Variants in ZNF385D observed in about 807,000 individuals in gnomAD.
ZNF385D encodes zinc finger protein 385D.
ZNF385D carries 15 observed loss-of-function variants against 35.8 expected under a neutral mutation model. That is an observed-to-expected ratio of 0.42 (90% CI 0.28 to 0.64). ZNF385D has a LOEUF of 0.64. ZNF385D is among the 30% of genes least tolerant of loss of function. The pLI is 0.23. For missense variants in ZNF385D, 474 were observed against 494.6 expected, an observed-to-expected ratio of 0.96 and a Z score of 0.39; for synonymous variants, 212 against 186.8, an observed-to-expected ratio of 1.13 and a Z score of -1.10.
intron 3 of ZNF385D, among the ~76,000 whole-genome samples, chr3:21,537,421 A>G (rs936662651): frequency 6.6e-6 from 1 of 151,936 alleles, no homozygotes; most frequent in African/African-American, 2.4e-5. Flanking sequence ...CTGGGATTAC[A>G]GGTGTGAGCC....
At chr3:21,489,714 A>G (rs748048530) in intron 4 of ZNF385D, among the ~76,000 whole-genome samples, 4 of 152,094 alleles carry the variant, frequency 2.6e-5, no homozygotes, top group Non-Finnish European at 4.4e-5. Context: ...TATCTGCCTC[A>G]TATCTGCCCC....
chr3:21,527,831 T>A (rs1240205344), intron 3 of ZNF385D, among the ~76,000 whole-genome samples: 2 of 152,302 alleles, frequency 1.3e-5, no homozygotes, highest in Non-Finnish European at 2.9e-5. Context: ...TGTGTTAACA[T>A]AACTAATACA....
At chr3:21,709,749 G>A (rs535175017) in intron 1 of ZNF385D, among the ~76,000 whole-genome samples, 1 of 152,106 alleles carries the variant, frequency 6.6e-6, no homozygotes, top group African/African-American at 2.4e-5. Flanking sequence ...TTCCAGTTTT[G>A]TATAAAGTTA....
intron 3 of ZNF385D, among the ~76,000 whole-genome samples, chr3:22,072,335 C>T (rs1055870065): frequency 1.5e-4 from 15 of 97,926 alleles, no homozygotes; most frequent in African/African-American, 3.4e-4. Flanking sequence ...TATTTGTGAA[C>T]GGAAAAATAA....
intron 2 of ZNF385D, among the ~76,000 whole-genome samples, chr3:22,251,220 G>A (rs972131531): frequency 5.9e-5 from 9 of 152,182 alleles, no homozygotes; most frequent in African/African-American, 1.4e-4. Flanking sequence ...AGAAGAATCC[G>A]TTTACATGAG....
chr3:22,289,230 CTT>C (rs1315718148), intron 2 of ZNF385D, among the ~76,000 whole-genome samples: 2 of 152,114 alleles, frequency 1.3e-5, no homozygotes, highest in Non-Finnish European at 2.9e-5. Context: ...GTGTCCACCT[CTT>C]TGTTTTCTGT....
At chr3:22,165,922 A>T (rs1022397260) in intron 3 of ZNF385D, among the ~76,000 whole-genome samples, 2 of 152,208 alleles carry the variant, frequency 1.3e-5, no homozygotes, top group African/African-American at 4.8e-5. Flanking sequence ...TTACATTCAT[A>T]CACCAGATCA....
intron 3 of ZNF385D, among the ~76,000 whole-genome samples, chr3:22,145,451 A>G (rs549853259): frequency 5.9e-5 from 9 of 152,326 alleles, no homozygotes; most frequent in Admixed American, 1.3e-4. Context: ...TGAACTACCA[A>G]TGCTCTTTAC....
Position 21,986,148 on chromosome 3 carries a change from T to C in ZNF385D, c.325+182669A>G, listed in dbSNP as rs1045180563. ...TGGATTCATTGATTTTTTGAAGGGT[T>C]TTTTGTGTCTCTATTTCCTTCAGTT... On this transcript the variant is annotated intron_variant, in intron 3 of 5. Coordinates refer to the ZNF385D transcript ENST00000494108. Among the ~76,000 whole-genome samples, 2 of 75,732 alleles carry C rather than the reference T, an allele frequency of 2.6e-5. 1 individual carries two copies. The highest frequency in any genetic ancestry group is 2.4e-4 in the Admixed American group (2 of 8,380). 49.7% of individuals were successfully genotyped at this position (75,732 alleles called of 152,430 possible).
At chr3:21,469,316 A>G (rs1703737276) in intron 4 of ZNF385D, among the ~76,000 whole-genome samples, 1 of 152,326 alleles carries the variant, frequency 6.6e-6, no homozygotes, top group South Asian at 2.1e-4. Context: ...TGATTTCACC[A>G]AGGTAAATGT....
chr3:21,806,736 T>C (rs116102117), intron 3 of ZNF385D, among the ~76,000 whole-genome samples: 2,134 of 152,324 alleles, frequency 0.014, 56 homozygotes, highest in African/African-American at 0.049. Flanking sequence ...CTTCTGTGAC[T>C]GGTTTACAAA....
intron 3 of ZNF385D, among the ~76,000 whole-genome samples, chr3:21,764,229 G>C (rs187443062): frequency 3.9e-5 from 6 of 152,264 alleles, no homozygotes; most frequent in African/African-American, 1.4e-4. Context: ...AAGCAGTGTG[G>C]AGACAAGAGC....
intron 3 of ZNF385D, among the ~76,000 whole-genome samples, chr3:22,022,483 T>C (rs1697286937): frequency 1.3e-5 from 2 of 152,188 alleles, no homozygotes; most frequent in East Asian, 3.9e-4. Context: ...AGAAATAACA[T>C]ACCACTCTAT....
intron 1 of ZNF385D, among the ~76,000 whole-genome samples, chr3:21,689,595 T>G (rs1189194208): frequency 1.3e-5 from 2 of 152,174 alleles, no homozygotes; most frequent in Non-Finnish European, 2.9e-5. Flanking sequence ...TATCAATCTT[T>G]GAAAACCTGC....
chr3:21,484,860 A>G (rs563376190), intron 4 of ZNF385D, among the ~76,000 whole-genome samples: 2 of 152,280 alleles, frequency 1.3e-5, no homozygotes, highest in South Asian at 4.1e-4. Context: ...GTCTGAACCC[A>G]TTGGTACTTC....
At chr3:21,933,606 A>G (rs1701119389) in intron 3 of ZNF385D, among the ~76,000 whole-genome samples, 1 of 152,212 alleles carries the variant, frequency 6.6e-6, no homozygotes, top group Non-Finnish European at 1.5e-5. Context: ...GCAAAAATAT[A>G]GCATTACTTT....
chr3:21,945,144 GCA>G (rs1054205366), intron 3 of ZNF385D, among the ~76,000 whole-genome samples: 13 of 150,496 alleles, frequency 8.6e-5, no homozygotes, highest in Admixed American at 2.0e-4. Context: ...ATATGTATAT[GCA>G]TATATATATA....
intron 3 of ZNF385D, among the ~76,000 whole-genome samples, chr3:21,931,216 A>G (rs183391879): frequency 4.1e-4 from 62 of 152,322 alleles, no homozygotes; most frequent in Admixed American, 6.5e-4. Context: ...AGTAGTTAAG[A>G]AAATGCAAAT....
chr3:22,100,283 C>G (rs1180960676), intron 3 of ZNF385D, among the ~76,000 whole-genome samples: 1 of 143,716 alleles, frequency 7.0e-6, no homozygotes, highest in African/African-American at 2.7e-5. Context: ...GGCGATTCCT[C>G]AGGGATCTAG....
Sources: gnomAD v4.1 joint callset for allele counts (sites outside exome capture counted in the v4.1 genomes callset) on GRCh38, gnomAD v4.1.1 for gene constraint, MANE v1.5 for transcripts, NCBI Gene and HGNC (gene_info 2026-07-23, HGNC 2026-07-21) for gene names.